GAREM1: variants seen among roughly 807,000 people sequenced by gnomAD.
The protein encoded by GAREM1 is GRB2 associated regulator of MAPK1 subtype 1, also known as GRB2-associated and regulator of MAPK protein 1.
In GAREM1, 26 loss-of-function variants were observed where a neutral mutation model predicts 71.3. The observed-to-expected ratio is 0.36, with a 90% CI of 0.27 to 0.51. The LOEUF is 0.51. Ranked by LOEUF, GAREM1 falls within the 20% of genes least tolerant of loss-of-function variation. GAREM1 has a pLI of 0.95. For synonymous variants in GAREM1, 440 were observed against 433.2 expected (o/e 1.02, Z -0.20); for missense variants, 1,026 against 1,103.1 (o/e 0.93, Z 0.99).
chr18:32,378,373 G>A (rs772117829), intron 2 of GAREM1, among the ~76,000 whole-genome samples: 2 of 151,824 alleles, frequency 1.3e-5, no homozygotes, highest in Non-Finnish European at 2.9e-5. Flanking sequence ...GGTGGCAGGT[G>A]CCTGTAATCC....
intron 4 of GAREM1, among the ~76,000 whole-genome samples, chr18:32,278,964 G>T (rs990181497): frequency 6.6e-6 from 1 of 152,146 alleles, no homozygotes; most frequent in South Asian, 2.1e-4. Flanking sequence ...GGCAAGGGAG[G>T]CCCAGGGGAA....
intron 2 of GAREM1, among the ~76,000 whole-genome samples, chr18:32,314,235 G>A (rs994510061): frequency 2.8e-4 from 42 of 151,814 alleles, no homozygotes; most frequent in Admixed American, 1.6e-3. Flanking sequence ...GTTTTATACC[G>A]TGCCCTTGCC....
chr18:32,396,504 C>A (rs1313829746), intron 1 of GAREM1, among the ~76,000 whole-genome samples: 2 of 152,014 alleles, frequency 1.3e-5, no homozygotes, highest in South Asian at 2.1e-4. Flanking sequence ...AACTACGTGA[C>A]GAATGCACAA....
At chr18:32,469,604 G>C (rs1442165037) in intron 1 of GAREM1, among the ~76,000 whole-genome samples, 2 of 152,196 alleles carry the variant, frequency 1.3e-5, no homozygotes, top group Non-Finnish European at 2.9e-5. Context: ...TGGGTTTCTG[G>C]TGGTCAGTTT....
chr18:32,270,465 A>G, intron 4 of GAREM1, 82 bp from the exon 5 acceptor site: 4 of 1,222,482 alleles, frequency 3.3e-6, no homozygotes, highest in Non-Finnish European at 3.4e-6. Context: ...GACTTGCTCA[A>G]GTCACACTCT....
At chr18:32,316,440 A>G (rs1052539353) in intron 2 of GAREM1, among the ~76,000 whole-genome samples, 3 of 152,108 alleles carry the variant, frequency 2.0e-5, no homozygotes, top group African/African-American at 7.2e-5. Context: ...ATTATTGAAA[A>G]CCAAATACTA....
Position 32,470,630 on chromosome 18 carries a change from G to C in GAREM1, c.-202C>G. On this transcript the variant is annotated 5_prime_UTR_variant, in exon 1 of 6. Transcript: ENST00000269209. The surrounding 1 kb of genome is among the most constrained non-coding windows in gnomAD (Gnocchi z 4.4). ...GCGCCCGGCTCAGCTGCCGCTGCGG[G>C]GCATGGCTGGGGCGCCCCGCGTGCC... 5.7e-6 allele frequency: 1 copy of C among 175,020 alleles called. No homozygotes were observed. The highest frequency in any genetic ancestry group is 1.1e-5 in the Non-Finnish European group (1 of 90,924). The allele number at this position is 175,020 out of a possible 1,614,324, so 10.8% of individuals were successfully genotyped here.
chr18:32,397,775 T>C (rs537500816), intron 1 of GAREM1, among the ~76,000 whole-genome samples: 16 of 151,976 alleles, frequency 1.1e-4, no homozygotes, highest in Non-Finnish European at 8.8e-5. Flanking sequence ...ATCCAGGAAT[T>C]GAACTCAGGA....
intron 2 of GAREM1, among the ~76,000 whole-genome samples, chr18:32,380,471 A>AT (rs759469377): frequency 9.6e-5 from 12 of 125,508 alleles, no homozygotes; most frequent in African/African-American, 3.4e-4. Flanking sequence ...GTGAGACTTC[A>AT]TTTAAAAAAA....
intron 4 of GAREM1, among the ~76,000 whole-genome samples, chr18:32,277,944 C>G (rs2041563784): frequency 6.6e-6 from 1 of 152,188 alleles, no homozygotes; most frequent in Non-Finnish European, 1.5e-5. Context: ...TAATTTCTTT[C>G]TCCTGTTACA....
At chr18:32,362,159 T>C (rs111624781) in intron 2 of GAREM1, among the ~76,000 whole-genome samples, 101 of 152,302 alleles carry the variant, frequency 6.6e-4, no homozygotes, top group African/African-American at 2.2e-3. Flanking sequence ...TACCAGATGT[T>C]CTAGCTCCAA....
intron 3 of GAREM1, among the ~76,000 whole-genome samples, chr18:32,293,200 C>T (rs577060091): frequency 4.9e-4 from 74 of 152,104 alleles, no homozygotes; most frequent in Middle Eastern, 3.4e-3. Context: ...TTTTTCCTTT[C>T]CAAGCAACCA....
At chr18:32,446,917 G>C (rs2048790882) in intron 1 of GAREM1, among the ~76,000 whole-genome samples, 1 of 152,114 alleles carries the variant, frequency 6.6e-6, no homozygotes, top group Non-Finnish European at 1.5e-5. Context: ...GTGTCATCAG[G>C]CACAACCTCC....
At chr18:32,436,985 T>A (rs1263075916) in intron 1 of GAREM1, among the ~76,000 whole-genome samples, 1 of 152,184 alleles carries the variant, frequency 6.6e-6, no homozygotes, top group South Asian at 2.1e-4. Flanking sequence ...ATTACACATA[T>A]AAATCCCAAT....
chr18:32,305,383 T>A (rs528144736), intron 3 of GAREM1, among the ~76,000 whole-genome samples: 3 of 152,206 alleles, frequency 2.0e-5, no homozygotes, highest in Non-Finnish European at 4.4e-5. Context: ...TGCCTAAAGT[T>A]AAATTTCAAG....
chr18:32,289,960 C>T (rs947737566), intron 3 of GAREM1, among the ~76,000 whole-genome samples: 4 of 151,738 alleles, frequency 2.6e-5, no homozygotes, highest in Non-Finnish European at 5.9e-5. Flanking sequence ...ACTGTATTTA[C>T]TCTGGTGGCT....
At chr18:32,423,355 CTA>C (rs1406152157) in intron 1 of GAREM1, among the ~76,000 whole-genome samples, 5 of 152,176 alleles carry the variant, frequency 3.3e-5, no homozygotes, top group Non-Finnish European at 7.4e-5. Flanking sequence ...TTAGTTTACA[CTA>C]TGTTTTAGTT....
intron 3 of GAREM1, among the ~76,000 whole-genome samples, chr18:32,297,405 C>G (rs186069979): frequency 3.1e-4 from 47 of 152,252 alleles, no homozygotes; most frequent in African/African-American, 1.1e-3. Context: ...CAAATGCTCA[C>G]AGTGCTTGGC....
intron 1 of GAREM1, among the ~76,000 whole-genome samples, chr18:32,446,222 T>G (rs2048784292): frequency 7.6e-6 from 1 of 131,544 alleles, no homozygotes; most frequent in Admixed American, 7.1e-5. Flanking sequence ...AAGTTCCCCA[T>G]AGTGTGTGTG....
Sources: allele counts gnomAD v4.1 joint callset (sites outside exome capture counted in the v4.1 genomes callset), GRCh38; gene constraint gnomAD v4.1.1; non-coding constraint Gnocchi (gnomAD v3.1); transcripts MANE v1.5; gene names NCBI Gene and HGNC (gene_info 2026-07-23, HGNC 2026-07-21).